Variants in SCAPER observed in about 807,000 individuals in gnomAD.
The protein encoded by SCAPER is S phase cyclin A-associated protein in the endoplasmic reticulum.
In SCAPER, 98 loss-of-function variants were observed where a neutral mutation model predicts 182.2. The observed-to-expected ratio is 0.54, with a 90% CI of 0.46 to 0.64. The LOEUF (loss-of-function observed/expected upper bound fraction) is 0.64. Ranked by LOEUF, SCAPER falls within the 30% of genes least tolerant of loss-of-function variation. SCAPER has a pLI of 0.00. For missense variants in SCAPER, 1,432 were observed against 1,690.0 expected (o/e 0.85, Z 2.68); for synonymous variants, 605 against 564.6 (o/e 1.07, Z -1.01).
chr15:76,393,036 A>T (rs1382112841), intron 27 of SCAPER, among the ~76,000 whole-genome samples: 1 of 152,190 alleles, frequency 6.6e-6, no homozygotes, highest in Non-Finnish European at 1.5e-5. Flanking sequence ...CACTCATGTG[A>T]ACTGTACCAA....
intron 23 of SCAPER, among the ~76,000 whole-genome samples, chr15:76,537,194 C>T (rs1360444035): frequency 3.3e-5 from 5 of 151,022 alleles, no homozygotes; most frequent in Non-Finnish European, 7.4e-5. Context: ...CGATGACTTT[C>T]TTCACAGAAT....
chr15:76,394,599 C>A (rs1487780429), intron 27 of SCAPER, among the ~76,000 whole-genome samples: 1 of 152,186 alleles, frequency 6.6e-6, no homozygotes, highest in African/African-American at 2.4e-5. Context: ...GCACTTTCCA[C>A]CTTCTAATAC....
chr15:76,885,013 G>A (rs1255715965), intron 1 of SCAPER, among the ~76,000 whole-genome samples: 1 of 152,274 alleles, frequency 6.6e-6, no homozygotes, highest in South Asian at 2.1e-4. Context: ...TGAAGGCTGC[G>A]GGGTTAGGAG....
At chr15:76,789,994 T>C (rs1040587992) in intron 8 of SCAPER, among the ~76,000 whole-genome samples, 13 of 152,110 alleles carry the variant, frequency 8.5e-5, no homozygotes, top group Non-Finnish European at 1.9e-4. Context: ...TTTGGGAGGC[T>C]GAGGCGGGCG....
intron 17 of SCAPER, 108 bp from the exon 18 acceptor site, chr15:76,706,092 CT>C: frequency 1.4e-6 from 1 of 700,794 alleles, no homozygotes; most frequent in Non-Finnish European, 2.2e-6. Flanking sequence ...TAAAGGGCTA[CT>C]TTTTTAAAAT....
intron 17 of SCAPER, among the ~76,000 whole-genome samples, chr15:76,723,807 C>A (rs931797000): frequency 6.6e-6 from 1 of 152,066 alleles, no homozygotes; most frequent in Non-Finnish European, 1.5e-5. Flanking sequence ...TTTTTGTGAG[C>A]CTATGTGTGC....
chr15:76,846,897 G>T (rs1008623091), intron 4 of SCAPER, among the ~76,000 whole-genome samples: 1 of 151,850 alleles, frequency 6.6e-6, no homozygotes, highest in Non-Finnish European at 1.5e-5. Flanking sequence ...AAAGAGATCT[G>T]CACTCTCATG....
intron 22 of SCAPER, among the ~76,000 whole-genome samples, chr15:76,607,153 A>C (rs894686581): frequency 1.2e-4 from 18 of 152,280 alleles, no homozygotes; most frequent in African/African-American, 3.6e-4. Context: ...AGTGGCTGGT[A>C]CTGGTTGTTC....
chr15:76,786,065 A>G (rs2064575510), intron 8 of SCAPER, among the ~76,000 whole-genome samples: 1 of 152,112 alleles, frequency 6.6e-6, no homozygotes. Flanking sequence ...ACGGTGGCTC[A>G]TGCCTGTAAT....
intron 25 of SCAPER, among the ~76,000 whole-genome samples, chr15:76,453,937 G>A (rs543275418): frequency 6.6e-6 from 1 of 152,176 alleles, no homozygotes; most frequent in South Asian, 2.1e-4. Flanking sequence ...AAAATACAGG[G>A]CATTATTTTC....
chr15:76,519,951 T>C (rs1210220800), intron 23 of SCAPER, among the ~76,000 whole-genome samples: 1 of 152,236 alleles, frequency 6.6e-6, no homozygotes, highest in Non-Finnish European at 1.5e-5. Context: ...CTTAATGTTC[T>C]TGATGGACAT....
intron 23 of SCAPER, among the ~76,000 whole-genome samples, chr15:76,527,133 C>G (rs1326879119): frequency 6.6e-6 from 1 of 152,192 alleles, no homozygotes; most frequent in African/African-American, 2.4e-5. Context: ...GCCTCGGCCT[C>G]CCAAAGTGGT....
intron 2 of SCAPER, among the ~76,000 whole-genome samples, chr15:76,862,747 AAAT>A (rs1195597419): frequency 1.3e-5 from 2 of 152,216 alleles, no homozygotes; most frequent in Non-Finnish European, 2.9e-5. Context: ...CAAATTATTT[AAAT>A]AATAAATATA....
chr15:76,728,725 C>T lies in SCAPER; in HGVS notation c.2035G>A (p.Ala679Thr), dbSNP rs777783582. The T allele has an allele frequency of 4.3e-6, 7 of 1,612,660 alleles. No homozygotes were observed. The highest frequency in any genetic ancestry group is 5.1e-6 in the Non-Finnish European group (6 of 1,179,414). The change falls in exon 17 of 32, where the codon GCT becomes ACT. Residue 679 changes from alanine to threonine, a missense_variant. Coordinates refer to ENST00000563290, the MANE Select transcript of SCAPER (RefSeq NM_020843.4). ...CGGGCCTGCCGCTCTGCCTCTAGAGCTCTCTTGCGTTCCTAATGTTAGAAA... is the reference window on the plus strand; with the variant it reads ...CGGGCCTGCCGCTCTGCCTCTAGAGTTCTCTTGCGTTCCTAATGTTAGAAA... ...RDEAVQERKR[A>T]LEAERQARVE...
chr15:76,614,591 A>C (rs1415942767), intron 22 of SCAPER, among the ~76,000 whole-genome samples: 1 of 152,236 alleles, frequency 6.6e-6, no homozygotes. Flanking sequence ...TCACAAAAGT[A>C]GTCAAAGAAA....
At chr15:76,837,941 C>T (rs2069098831) in intron 5 of SCAPER, among the ~76,000 whole-genome samples, 1 of 152,188 alleles carries the variant, frequency 6.6e-6, no homozygotes, top group East Asian at 1.9e-4. Flanking sequence ...AATGCTTATA[C>T]ACTGCTGGTG....
intron 24 of SCAPER, among the ~76,000 whole-genome samples, chr15:76,499,474 G>T (rs1403727124): frequency 6.6e-6 from 1 of 152,146 alleles, no homozygotes; most frequent in Non-Finnish European, 1.5e-5. Flanking sequence ...GATGCGGTAT[G>T]CCCTTTTACT....
chr15:76,414,701 C>T (rs1394105535), intron 26 of SCAPER, among the ~76,000 whole-genome samples: 2 of 151,568 alleles, frequency 1.3e-5, no homozygotes, highest in African/African-American at 4.8e-5. Context: ...ATAAAAGGGC[C>T]ATCTGAAAGA....
intron 27 of SCAPER, among the ~76,000 whole-genome samples, chr15:76,397,266 T>C (rs1044192232): frequency 6.6e-6 from 1 of 152,122 alleles, no homozygotes; most frequent in African/African-American, 2.4e-5. Context: ...TCATCAGGGA[T>C]ACTGGTCTTT....
Sources: gnomAD v4.1 joint callset for allele counts (sites outside exome capture counted in the v4.1 genomes callset) on GRCh38, gnomAD v4.1.1 for gene constraint, MANE v1.5 for transcripts, NCBI Gene and HGNC (gene_info 2026-07-23, HGNC 2026-07-21) for gene names.